The following GLE1 variants were observed in gnomAD, a reference collection of about 807,000 sequenced individuals.
The protein encoded by GLE1 is mRNA export factor GLE1.
Under a neutral mutation model 97.3 loss-of-function variants are expected in GLE1, and 78 were observed. The ratio of observed to expected loss-of-function variants is 0.80; its 90% CI spans 0.67 to 0.97. GLE1 has a LOEUF of 0.97. Ranked by LOEUF, GLE1 falls within the 50% of genes least tolerant of loss-of-function variation. The pLI is 0.00. For synonymous variants in GLE1, 302 were observed against 313.4 expected, an observed-to-expected ratio of 0.96 and a Z score of 0.39; for missense variants, 753 against 857.5, an observed-to-expected ratio of 0.88 and a Z score of 1.52.
intron 12 of GLE1, chr9:128,536,834 C>G: frequency 1.4e-5 from 4 of 278,152 alleles, no homozygotes; most frequent in Non-Finnish European, 2.1e-5. Context: ...TACCTTACTT[C>G]ACAGATGGAC....
chr9:128,531,386 A>T, intron 9 of GLE1, among the ~76,000 whole-genome samples: 1 of 146,758 alleles, frequency 6.8e-6, no homozygotes, highest in East Asian at 2.1e-4. Context: ...TATTAGCCAG[A>T]TGTGGTGGCA....
At chr9:128,540,033 A>G (rs555735789) in intron 14 of GLE1, among the ~76,000 whole-genome samples, 1 of 152,166 alleles carries the variant, frequency 6.6e-6, no homozygotes, top group East Asian at 1.9e-4. Flanking sequence ...CAGCCTGGGC[A>G]ATATAGCAAG....
chr9:128,516,655 C>T (rs899527576), intron 3 of GLE1, among the ~76,000 whole-genome samples: 2 of 149,304 alleles, frequency 1.3e-5, no homozygotes, highest in African/African-American at 2.5e-5. Flanking sequence ...CAGAGTCTTG[C>T]TGTTGTCAGC....
At chr9:128,530,640 T>C (rs572885796) in intron 9 of GLE1, among the ~76,000 whole-genome samples, 159 of 152,188 alleles carry the variant, frequency 1.0e-3, no homozygotes, top group African/African-American at 3.7e-3. Flanking sequence ...CCGGGCGCGG[T>C]GGTTCACGCC....
Position 128,512,793 on chromosome 9 carries a change from G to A in GLE1, c.322-2736G>A, listed in dbSNP as rs184193251. Among the ~76,000 whole-genome samples, 557 of 152,192 alleles carry A rather than the reference G, an allele frequency of 3.7e-3. 3 individuals are homozygous for A. Among genetic ancestry groups the A allele is most frequent in the African/African-American group, 0.012 (493 of 41,516 alleles). ...TCCTGCCTCAGCCTCTTGAGTAGCT[G>A]GGATTACAGGCACGCGCCACCATGC... On this transcript the variant is annotated intron_variant, in intron 2 of 15. Transcript: ENST00000309971.
chr9:128,540,621 T>A (rs1847858364), intron 15 of GLE1: 1 of 425,222 alleles, frequency 2.4e-6, no homozygotes, highest in Non-Finnish European at 4.3e-6. Flanking sequence ...TTTTTGCATG[T>A]TGGCCAAGGT....
chr9:128,536,234 A>G (rs1847704779), intron 11 of GLE1, 121 bp from the exon 12 acceptor site: 1 of 720,656 alleles, frequency 1.4e-6, no homozygotes, highest in Non-Finnish European at 2.5e-6. Flanking sequence ...GGGTTTCACC[A>G]CATTGGCCAG....
rs763021566 is a variant in GLE1, at chr9:128,537,989, C to G, written c.1780C>G (p.His594Asp). The G allele has an allele frequency of 6.3e-7, 1 of 1,589,884 alleles. No homozygotes were observed. Among genetic ancestry groups the G allele is most frequent in the East Asian group, 2.2e-5 (1 of 44,798 alleles). The change falls in exon 13 of 16, where the codon CAC (histidine) becomes GAC (aspartate). Residue 594 changes from histidine to aspartate, a missense_variant. Coordinates refer to ENST00000309971, the MANE Select transcript of GLE1 (RefSeq NM_001003722.2). Reference sequence around the variant, plus strand: ...AACCAAGCTTCTCTACTCCCAGATTCACCCTCATGGCTTAAATCATGGATG... The same window carrying G: ...AACCAAGCTTCTCTACTCCCAGATTGACCCTCATGGCTTAAATCATGGATG... ...RWPYGNRQEI[H>D]PHGLNHGWRW...
chr9:128,516,410 C>T (rs1386231657), intron 3 of GLE1, among the ~76,000 whole-genome samples: 3 of 152,224 alleles, frequency 2.0e-5, no homozygotes, highest in African/African-American at 7.2e-5. Flanking sequence ...AGCTCCGCCT[C>T]CCAGGTTCAT....
chr9:128,508,445 A>G (rs1343770964), intron 1 of GLE1, among the ~76,000 whole-genome samples: 2 of 152,114 alleles, frequency 1.3e-5, no homozygotes, highest in African/African-American at 2.4e-5. Flanking sequence ...ATATACATCT[A>G]GGTTTGTGTA....
At position 128,527,257 on chromosome 9, in the gene GLE1, C is replaced by T. The variant is rs979696871; in HGVS notation, c.1208C>T (p.Thr403Ile). ...LQDASMQCVL[T>I]FEGLTNSKDS... ...GATGCTTCCATGCAGTGTGTGTTGACCTTTGAGGGCCTGACCAACAGCAAG... is the reference window on the plus strand; with the variant it reads ...GATGCTTCCATGCAGTGTGTGTTGATCTTTGAGGGCCTGACCAACAGCAAG... Residue 403 changes from threonine to isoleucine, a missense_variant, in exon 8 of 16, where the codon ACC becomes ATC. Transcript: ENST00000309971. 3.7e-6 allele frequency: 6 copies of T among 1,608,476 alleles called. No homozygotes were observed. The highest frequency in any genetic ancestry group is 3.3e-5 in the Admixed American group (2 of 59,956).
chr9:128,514,211 C>T (rs1274530103), intron 2 of GLE1, among the ~76,000 whole-genome samples: 7 of 148,860 alleles, frequency 4.7e-5, no homozygotes, highest in African/African-American at 7.4e-5. Flanking sequence ...TGGTGGCGTG[C>T]GCCAGTGGTC....
chr9:128,514,832 T>C (rs1846933722), intron 2 of GLE1, among the ~76,000 whole-genome samples: 1 of 150,180 alleles, frequency 6.7e-6, no homozygotes, highest in Non-Finnish European at 1.5e-5. Context: ...TGGCCTTTTT[T>C]TTGAGATGGA....
chr9:128,529,705 T>C (rs182276310), intron 9 of GLE1, among the ~76,000 whole-genome samples: 2 of 151,448 alleles, frequency 1.3e-5, no homozygotes, highest in African/African-American at 4.8e-5. Flanking sequence ...TCTCTCCCTC[T>C]CTCCCTCTCT....
At chr9:128,517,697 C>G (rs948493918) in intron 3 of GLE1, among the ~76,000 whole-genome samples, 6 of 151,948 alleles carry the variant, frequency 3.9e-5, no homozygotes, top group African/African-American at 1.5e-4. Flanking sequence ...TTTCATTTTC[C>G]TTTTGTCTTA....
At position 128,541,073 on chromosome 9, in the gene GLE1, TTC is replaced by T. The variant is rs754144463; in HGVS notation, c.2029-27_2029-26del. ...TGGGAACACTGTTATCAGAAACTCA[TTC>T]TGTTTTCTTCATCTTTCCCTGACCA... On this transcript the variant is annotated intron_variant, in intron 15 of 15. Coordinates refer to ENST00000309971, the MANE Select transcript of GLE1 (RefSeq NM_001003722.2). 3.5e-5 allele frequency: 44 copies of T among 1,273,192 alleles called. No individual in the cohort carries two copies. The South Asian group carries it at 4.3e-4, about 12-fold the overall frequency. 78.9% of individuals were successfully genotyped at this position (1,273,192 alleles called of 1,614,324 possible).
intron 3 of GLE1, among the ~76,000 whole-genome samples, chr9:128,518,146 T>G (rs902593658): frequency 1.3e-5 from 2 of 152,006 alleles, no homozygotes; most frequent in Middle Eastern, 3.4e-3. Flanking sequence ...AAAACTCACG[T>G]GCCTGGCCTA....
At chr9:128,525,462 T>A in intron 7 of GLE1, 39 bp downstream of exon 7, 1 of 1,241,048 alleles carries the variant, frequency 8.1e-7, no homozygotes, top group Non-Finnish European at 1.2e-6. Context: ...AACTCGTAAG[T>A]TTCAAATGTG....
intron 15 of GLE1, 23 bp downstream of exon 15, chr9:128,540,361 T>G (rs764661454): frequency 1.3e-6 from 2 of 1,489,908 alleles, no homozygotes; most frequent in African/African-American, 1.4e-5. Flanking sequence ...TAGACCAACA[T>G]GCCCCACACT....
Sources: allele counts gnomAD v4.1 joint callset (sites outside exome capture counted in the v4.1 genomes callset), GRCh38; gene constraint gnomAD v4.1.1; transcripts MANE v1.5; gene names NCBI Gene and HGNC (gene_info 2026-07-23, HGNC 2026-07-21).